SEC16A: variants seen among roughly 807,000 people sequenced by gnomAD.
SEC16A encodes protein transport protein Sec16A.
Under a neutral mutation model 221.9 loss-of-function variants are expected in SEC16A, and 110 were observed. The observed-to-expected ratio is 0.50, with a 90% CI of 0.42 to 0.58. SEC16A has a LOEUF of 0.58. SEC16A is among the 20% of genes least tolerant of loss of function. SEC16A has a pLI of 0.00. For synonymous variants in SEC16A, 1,393 were observed against 1,257.7 expected (o/e 1.11, Z -2.28); for missense variants, 3,165 against 3,097.8 (o/e 1.02, Z -0.52).
chr9:136,477,651 A>C lies in SEC16A; in HGVS notation c.-36T>G. The C allele has an allele frequency of 6.4e-7, 1 of 1,558,754 alleles. No individual in the cohort carries two copies. The highest frequency in any genetic ancestry group is 8.7e-7 in the Non-Finnish European group (1 of 1,154,420). Reference sequence around the variant, plus strand: ...TTGCACAAGTCGATGCTGCTTACAGAAGGAAGCAGGATATAGCTGTTCCTT... The same window carrying C: ...TTGCACAAGTCGATGCTGCTTACAGCAGGAAGCAGGATATAGCTGTTCCTT... On this transcript the variant is annotated 5_prime_UTR_variant, in exon 3 of 32. Coordinates refer to ENST00000684901, the MANE Select transcript of SEC16A (RefSeq NM_014866.2).
rs939662098 is a variant in SEC16A at position 136,459,637 on chromosome 9, C to A, written c.5192-82G>T. 10 of 1,352,482 alleles carry A rather than the reference C, an allele frequency of 7.4e-6. No homozygotes were observed. In the East Asian group the frequency reaches 7.5e-5, roughly 10 times the overall value. The allele number at this position is 1,352,482 out of a possible 1,614,324, so 83.8% of individuals were successfully genotyped here. On this transcript the variant is annotated intron_variant, in intron 15 of 31. Transcript: ENST00000684901. The surrounding 1 kb of genome is among the most constrained non-coding windows in gnomAD (Gnocchi z 6.1). ...AAGTCAAGGACGCGCACAGAAGGCA[C>A]CAGAGACGCCAGCCGGACCGAGAAG... is the stretch of plus-strand genomic sequence containing the variant.
chr9:136,449,534 C>T (rs1354641306), intron 23 of SEC16A, among the ~76,000 whole-genome samples: 1 of 152,184 alleles, frequency 6.6e-6, no homozygotes, highest in Admixed American at 6.5e-5. Context: ...AGGCGTGAGC[C>T]GCCGCACCCT....
rs760814230 is a variant in SEC16A, at chr9:136,476,111, G to C, written c.1505C>G (p.Ala502Gly). ...LPGPAVPRHGAVCHTGAPDAT... is the reference protein window; with the variant it reads ...LPGPAVPRHGGVCHTGAPDAT... Reference sequence around the variant, plus strand: ...ATCAGGGGCTCCGGTGTGGCACACAGCACCATGCCTGGGCACAGCTGGCCC... The same window carrying C: ...ATCAGGGGCTCCGGTGTGGCACACACCACCATGCCTGGGCACAGCTGGCCC... Residue 502 changes from alanine to glycine, a missense_variant, in exon 3 of 32, where the codon GCT becomes GGT. Physicochemically the swap from Ala to Gly is moderately conservative, Grantham distance 60. Transcript: ENST00000684901. 5 of 1,613,670 alleles carry C rather than the reference G, an allele frequency of 3.1e-6. No homozygotes were observed. The highest frequency in any genetic ancestry group is 4.2e-6 in the Non-Finnish European group (5 of 1,179,850).
rs771034786 is a variant in SEC16A, at chr9:136,447,219, C to T, written c.6697+8G>A. ...TGACCTGGAGGGGCTGGTGCTCGTG[C>T]TACCTACCTGGGGTTGGCACGAACA... is the stretch of plus-strand genomic sequence containing the variant. On this transcript the variant is annotated splice_region_variant and intron_variant, in intron 27 of 31. Transcript: ENST00000684901. This position sits in a 1 kb window ranked among gnomAD's most constrained non-coding sequence, Gnocchi z 5.5. 3.8e-6 allele frequency: 6 copies of T among 1,588,686 alleles called. No individual in the cohort carries two copies. The highest frequency in any genetic ancestry group is 5.1e-6 in the Non-Finnish European group (6 of 1,168,802).
At position 136,475,700 on chromosome 9, in the gene SEC16A, C is replaced by T. The variant is rs1292083450; in HGVS notation, c.1916G>A (p.Cys639Tyr). Residue 639 changes from cysteine (C) to tyrosine (Y), a missense_variant, in exon 3 of 32, where the codon TGT becomes TAT. By Grantham distance (194) the Cys-to-Tyr change is radical. Transcript: ENST00000684901. The surrounding 1 kb of genome is among the most constrained non-coding windows in gnomAD (Gnocchi z 5.0). ...ANVVGEVRET[C>Y]VRQKQCRPAA... ...TGGTCTGCACTGCTTCTGGCGGACACAGGTCTCCCTTACTTCACCAACCAC... is the reference window on the plus strand; with the variant it reads ...TGGTCTGCACTGCTTCTGGCGGACATAGGTCTCCCTTACTTCACCAACCAC... The T allele has an allele frequency of 6.2e-7, 1 of 1,613,496 alleles. No homozygotes were observed. The highest frequency in any genetic ancestry group is 1.1e-5 in the South Asian group (1 of 90,950).
chr9:136,464,318 T>G (rs1250677181), intron 9 of SEC16A, 102 bp downstream of exon 9: 50 of 1,113,974 alleles, frequency 4.5e-5, no homozygotes, highest in Non-Finnish European at 6.0e-5. Flanking sequence ...CAAGGACGTA[T>G]GTCCAGAGAC....
intron 12 of SEC16A, among the ~76,000 whole-genome samples, chr9:136,462,670 A>C (rs533707205): frequency 3.8e-4 from 58 of 152,332 alleles, no homozygotes; most frequent in Non-Finnish European, 7.8e-4. Flanking sequence ...GGTCTCCAAC[A>C]CTGGAAACAG....
rs1463238632 is a variant in SEC16A, at chr9:136,478,767, G to A, written c.-128C>T. Among the ~76,000 whole-genome samples, 1 of 152,062 alleles carries A rather than the reference G, an allele frequency of 6.6e-6. No homozygotes were observed. The highest frequency in any genetic ancestry group is 1.5e-5 in the Non-Finnish European group (1 of 68,000). ...GAAGATCACTTGTGTCCATGAGTTC[G>A]AGGCTGCAGTGAGCTATGATTATAC... On this transcript the variant is annotated 5_prime_UTR_variant, in exon 2 of 32. Coordinates refer to ENST00000684901, the MANE Select transcript of SEC16A (RefSeq NM_014866.2).
At position 136,446,858 on chromosome 9, in the gene SEC16A, G is replaced by A; in HGVS notation, c.6789C>T (p.Pro2263=). ...GLANPEPAPE[P]KVLSSAASLP... The stretch of plus-strand genomic sequence containing the variant: ...CTTTCCCACCGTACCCGCTCACCTT[G>A]GGCTCTGGGGCAGGCTCTGGATTGG... Residue 2263 remains proline (P), a synonymous_variant, in exon 28 of 32, where the codon CCC becomes CCT. Coordinates refer to ENST00000684901, the MANE Select transcript of SEC16A (RefSeq NM_014866.2). 1 of 1,603,488 alleles carries A rather than the reference G, an allele frequency of 6.2e-7. No homozygotes were observed. The highest frequency in any genetic ancestry group is 1.3e-5 in the African/African-American group (1 of 74,406).
In SEC16A at chr9:136,474,746, C is replaced by A. The variant is rs538446092; in HGVS notation, c.2870G>T (p.Ser957Ile). The change falls in exon 3 of 32, where the codon AGC becomes ATC. Residue 957 changes from serine to isoleucine, a missense_variant. Around this residue, in one of 3 missense-constraint regions of SEC16A, gnomAD observed 2,030 missense variants for 1,923.1 expected, o/e 1.06. Transcript: ENST00000684901. ...AGSALPGFAN[S>I]PAGSTSVVLV... ...CACCACACTTGTGCTTCCAGCAGGG[C>A]TATTAGCAAATCCGGGAAGAGCACT... 1.2e-6 allele frequency: 2 copies of A among 1,613,902 alleles called. No individual in the cohort carries two copies. Among genetic ancestry groups the A allele is most frequent in the South Asian group, 1.1e-5 (1 of 91,084 alleles).
At position 136,464,519 on chromosome 9, in the gene SEC16A, A is replaced by C. The variant is rs368514201; in HGVS notation, c.4347T>G (p.His1449Gln). The change falls in exon 9 of 32, where the codon CAT becomes CAG. Residue 1449 changes from histidine (H) to glutamine (Q), a missense_variant. Physicochemically the swap from His to Gln is conservative, Grantham distance 24 (BLOSUM62 0). Coordinates refer to ENST00000684901, the MANE Select transcript of SEC16A (RefSeq NM_014866.2). ...PTSPEKFSVPHVCARFGPGGQ... is the reference protein window; with the variant it reads ...PTSPEKFSVPQVCARFGPGGQ... Reference sequence around the variant, plus strand: ...CGCCAGGGCCAAACCTGGCACAGACATGAGGCACTGAAAATTTTTCAGGAG... The same window carrying C: ...CGCCAGGGCCAAACCTGGCACAGACCTGAGGCACTGAAAATTTTTCAGGAG... 3 of 1,607,170 alleles carry C rather than the reference A, an allele frequency of 1.9e-6. No individual in the cohort carries two copies. The highest frequency in any genetic ancestry group is 2.6e-6 in the Non-Finnish European group (3 of 1,174,284).
chr9:136,461,212 CT>C lies in SEC16A; in HGVS notation c.4955del (p.Lys1652ArgfsTer11). On this transcript the variant is annotated frameshift_variant, in exon 13 of 32. Transcript: ENST00000684901. LOFTEE classifies it high-confidence loss of function. The part of the protein sequence containing the change: ...LWGHALLLAS[K>X]MDSRTHARVM... ...CTCGGGCGTGTGTCCGGCTGTCCAT[CT>C]TACTTGCAAGTAGCAGAGCGTGACC... 5 of 1,609,098 alleles carry C rather than the reference CT, an allele frequency of 3.1e-6. No homozygotes were observed. Among genetic ancestry groups the C allele is most frequent in the Non-Finnish European group, 4.2e-6 (5 of 1,177,840 alleles).
At chr9:136,455,950 G>T in intron 19 of SEC16A, 103 bp downstream of exon 19, 1 of 1,203,912 alleles carries the variant, frequency 8.3e-7, no homozygotes, top group Non-Finnish European at 1.2e-6. Flanking sequence ...GCACACGTTT[G>T]CAGTTACACT....
chr9:136,448,418 G>T, intron 23 of SEC16A: 1 of 699,140 alleles, frequency 1.4e-6, no homozygotes, highest in South Asian at 1.5e-5. Context: ...ATGGAGGTGG[G>T]GGGCGATCCA....
chr9:136,467,168 A>G, intron 5 of SEC16A, 85 bp from the exon 6 acceptor site: 1 of 1,508,564 alleles, frequency 6.6e-7, no homozygotes, highest in Non-Finnish European at 9.1e-7. Flanking sequence ...ACACCACCCC[A>G]GGACTTTATG....
At chr9:136,448,056 C>T (rs779875656) in intron 24 of SEC16A, 28 bp downstream of exon 24, 32 of 1,590,854 alleles carry the variant, frequency 2.0e-5, no homozygotes, top group Middle Eastern at 1.7e-4. Flanking sequence ...ATTCTTCGGA[C>T]GTCCCGTGCG....
chr9:136,481,226 C>G (rs929331589), intron 1 of SEC16A, among the ~76,000 whole-genome samples: 1 of 151,562 alleles, frequency 6.6e-6, no homozygotes, highest in Non-Finnish European at 1.5e-5. Flanking sequence ...GCTCCGCCCC[C>G]CGGGGTTCAC....
In SEC16A at chr9:136,474,432, C is replaced by A. The variant is rs764383514; in HGVS notation, c.3184G>T (p.Val1062Leu). The change falls in exon 3 of 32, where the codon GTG becomes TTG. Residue 1062 changes from valine (V) to leucine (L), a missense_variant. This residue lies in a region of SEC16A where 2,030 missense variants were observed against 1,923.1 expected (regional missense o/e 1.06). Coordinates refer to ENST00000684901, the MANE Select transcript of SEC16A (RefSeq NM_014866.2). ...GGAGAAGCCTGTTGCTGGGGTGGCA[C>A]CAGCTCCTGCTGGGCTCTTTCGAGG... The part of the protein sequence containing the change: ...PGLERAQQEL[V>L]PPQQQASPPQ... 1.2e-6 allele frequency: 2 copies of A among 1,612,980 alleles called. No homozygotes were observed. Among genetic ancestry groups the A allele is most frequent in the African/African-American group, 2.7e-5 (2 of 74,938 alleles).
chr9:136,453,216 C>A (rs769057839), intron 22 of SEC16A, among the ~76,000 whole-genome samples: 5 of 152,132 alleles, frequency 3.3e-5, no homozygotes, highest in African/African-American at 9.7e-5. Flanking sequence ...CTACTGAATT[C>A]TCTCTTCCCC....
Sources: gnomAD v4.1 joint callset for allele counts (sites outside exome capture counted in the v4.1 genomes callset) on GRCh38, gnomAD v4.1.1 for gene constraint, gnomAD v4.1.1 regional missense constraint, Gnocchi (gnomAD v3.1) non-coding constraint, MANE v1.5 for transcripts, NCBI Gene and HGNC (gene_info 2026-07-23, HGNC 2026-07-21) for gene names.